DGKI: variants seen among roughly 807,000 people sequenced by gnomAD.
DGKI encodes the protein DAG kinase iota.
Under a neutral mutation model 147.5 loss-of-function variants are expected in DGKI, and 55 were observed. The observed-to-expected ratio is 0.37, with a 90% CI of 0.30 to 0.47. The LOEUF (loss-of-function observed/expected upper bound fraction) is 0.47. DGKI is among the 20% of genes least tolerant of loss of function. The probability of loss-of-function intolerance (pLI) is 1.00; values close to 1 mark genes in which losing one functional copy is unlikely to be tolerated. For missense variants in DGKI, 1,007 were observed against 1,323.8 expected, an observed-to-expected ratio of 0.76 and a Z score of 3.71; for synonymous variants, 469 against 477.1, an observed-to-expected ratio of 0.98 and a Z score of 0.22.
At position 137,487,640 on chromosome 7, in the gene DGKI, A is replaced by C. The variant is rs746248384; in HGVS notation, c.2298T>G (p.Thr766=). Residue 766 remains threonine (T), a synonymous_variant, in exon 22 of 33, where the codon ACT becomes ACG. Coordinates refer to ENST00000614521, the MANE Select transcript of DGKI (RefSeq NM_001321708.2). ...LVVRGDCDLE[T]CRMYIDRLQE... ...GTAGGCGGTCTATGTACATACGGCA[A>C]GTCTCCAAATCACAGTCTCCACGCA... 6.2e-7 allele frequency: 1 copy of C among 1,613,864 alleles called. No homozygotes were observed. The highest frequency in any genetic ancestry group is 8.5e-7 in the Non-Finnish European group (1 of 1,179,774).
chr7:137,729,907 G>T (rs1055067188), intron 1 of DGKI, among the ~76,000 whole-genome samples: 1 of 152,056 alleles, frequency 6.6e-6, no homozygotes, highest in Admixed American at 6.6e-5. Flanking sequence ...CATCTTGCTC[G>T]TTGACACTGA....
Position 137,638,617 on chromosome 7 carries a change from C to CATAT in DGKI, c.804+6854_804+6855insATAT, listed in dbSNP as rs1563125886. Among the ~76,000 whole-genome samples the CATAT allele has an allele frequency of 7.1e-4, 4 of 5,596 alleles. 1 individual carries two copies. Among genetic ancestry groups the CATAT allele is most frequent in the African/African-American group, 8.0e-4 (2 of 2,490 alleles). 3.7% of individuals were successfully genotyped at this position (5,596 alleles called of 152,430 possible). ...ATACATATATGTATATATATACACA[C>CATAT]ACACATATATATGTGTGTATATATG... On this transcript the variant is annotated intron_variant, in intron 6 of 32. Coordinates refer to ENST00000614521, the MANE Select transcript of DGKI (RefSeq NM_001321708.2).
intron 4 of DGKI, 120 bp from the exon 5 acceptor site, chr7:137,654,908 C>G: frequency 1.6e-6 from 1 of 637,964 alleles, no homozygotes; most frequent in Non-Finnish European, 2.7e-6. Flanking sequence ...CTCCAAAGAA[C>G]AAGGAATAAT....
intron 1 of DGKI, among the ~76,000 whole-genome samples, chr7:137,694,590 A>G (rs955698463): frequency 1.3e-5 from 2 of 152,198 alleles, no homozygotes; most frequent in Non-Finnish European, 2.9e-5. Flanking sequence ...CCTCCTAAAG[A>G]TTGACACATT....
intron 20 of DGKI, among the ~76,000 whole-genome samples, chr7:137,551,894 T>C (rs1464985663): frequency 6.6e-6 from 1 of 152,102 alleles, no homozygotes; most frequent in Admixed American, 6.5e-5. Context: ...AACAATTCAC[T>C]GGCAGGCAGA....
chr7:137,547,928 A>G lies in DGKI; in HGVS notation c.2147+4441T>C, dbSNP rs182917961. Among the ~76,000 whole-genome samples, 457 of 152,270 alleles carry G rather than the reference A, an allele frequency of 3.0e-3. 11 individuals carry two copies. The highest frequency in any genetic ancestry group is 7.9e-4 in the Non-Finnish European group (54 of 68,026). Reference sequence around the variant, plus strand: ...AAGAGGTGCAGAGGGCACTGCAAGAAGAGGACCAGAGAGCAAAACCAGGAT... The same window carrying G: ...AAGAGGTGCAGAGGGCACTGCAAGAGGAGGACCAGAGAGCAAAACCAGGAT... On this transcript the variant is annotated intron_variant, in intron 20 of 32. Transcript: ENST00000614521.
chr7:137,639,397 G>C (rs1387892152), intron 6 of DGKI, among the ~76,000 whole-genome samples: 1 of 152,228 alleles, frequency 6.6e-6, no homozygotes, highest in African/African-American at 2.4e-5. Flanking sequence ...AGGGAACAAA[G>C]AGGCCATTTG....
chr7:137,788,229 C>A (rs146691388), intron 1 of DGKI, among the ~76,000 whole-genome samples: 8 of 152,246 alleles, frequency 5.3e-5, no homozygotes, highest in Non-Finnish European at 1.2e-4. Context: ...CCCATCCACA[C>A]TTCTTGTCAG....
intron 32 of DGKI, among the ~76,000 whole-genome samples, chr7:137,394,688 T>C (rs1811484406): frequency 6.6e-6 from 1 of 152,168 alleles, no homozygotes; most frequent in African/African-American, 2.4e-5. Flanking sequence ...TGCCCTCTTA[T>C]TAAGATAGTC....
chr7:137,629,804 T>C (rs1291475721), intron 6 of DGKI, among the ~76,000 whole-genome samples: 1 of 152,194 alleles, frequency 6.6e-6, no homozygotes, highest in Non-Finnish European at 1.5e-5. Flanking sequence ...TACCCTTGCC[T>C]GGTAATGTGA....
intron 27 of DGKI, among the ~76,000 whole-genome samples, chr7:137,459,901 T>C (rs922124450): frequency 5.3e-5 from 8 of 152,328 alleles, no homozygotes; most frequent in African/African-American, 1.4e-4. Flanking sequence ...ATTTATCAAA[T>C]TGAATGCTTT....
chr7:137,550,283 C>G (rs1159469567), intron 20 of DGKI, among the ~76,000 whole-genome samples: 1 of 151,338 alleles, frequency 6.6e-6, no homozygotes. Context: ...TTATGAGTAG[C>G]TGGGATTACA....
rs1397428889 is a variant in DGKI at position 137,384,261 on chromosome 7, G to A, written c.*6959C>T. 6.6e-6 allele frequency: 1 copy of A among 151,952 alleles called. No individual in the cohort carries two copies. The highest frequency in any genetic ancestry group is 2.4e-5 in the African/African-American group (1 of 41,386). The allele number at this position is 151,952 out of a possible 1,614,324, so 9.4% of individuals were successfully genotyped here. ...ATTTCTTCTCTTGAAATCCACCCTG[G>A]TATGCAAACATTAGACTTTTCTTTG... is the stretch of plus-strand genomic sequence containing the variant. On this transcript the variant is annotated 3_prime_UTR_variant, in exon 33 of 33. Transcript: ENST00000614521.
chr7:137,662,689 A>C (rs771553083), intron 3 of DGKI, among the ~76,000 whole-genome samples: 5,432 of 152,238 alleles, frequency 0.036, 301 homozygotes, highest in African/African-American at 0.12. Context: ...TAGAGGTTCA[A>C]TTGCAGAGAG....
intron 3 of DGKI, among the ~76,000 whole-genome samples, chr7:137,676,380 GTTTTTTCTT>G (rs1462039225): frequency 6.6e-6 from 1 of 152,006 alleles, no homozygotes; most frequent in Non-Finnish European, 1.5e-5. Context: ...TCCTTCCTGG[GTTTTTTCTT>G]TTTTTTCTTT....
chr7:137,722,323 C>T (rs1794587390), intron 1 of DGKI: 1 of 1,612,498 alleles, frequency 6.2e-7, no homozygotes, highest in Non-Finnish European at 8.5e-7. Context: ...TCGCAAAATG[C>T]CTAGATATTA....
chr7:137,553,171 T>C (rs1818110875), intron 19 of DGKI, among the ~76,000 whole-genome samples: 1 of 152,224 alleles, frequency 6.6e-6, no homozygotes, highest in African/African-American at 2.4e-5. Context: ...AGCTTTTTCT[T>C]TGTGTTATCT....
intron 28 of DGKI, among the ~76,000 whole-genome samples, chr7:137,439,941 ATGAACAGACATTAGT>A (rs933327556): frequency 1.4e-4 from 21 of 152,320 alleles, no homozygotes; most frequent in Non-Finnish European, 2.5e-4. Flanking sequence ...TATTTTGTAA[ATGAACAGACATTAGT>A]TGGAAGATGA....
intron 1 of DGKI, among the ~76,000 whole-genome samples, chr7:137,785,009 T>A (rs1165602528): frequency 2.6e-5 from 4 of 151,738 alleles, no homozygotes; most frequent in African/African-American, 9.7e-5. Context: ...AATGCCTGTA[T>A]CAAAAAGTCT....
Sources: gnomAD v4.1 joint callset for allele counts (sites outside exome capture counted in the v4.1 genomes callset) on GRCh38, gnomAD v4.1.1 for gene constraint, MANE v1.5 for transcripts, NCBI Gene and HGNC (gene_info 2026-07-23, HGNC 2026-07-21) for gene names.